MSRA: variants seen among roughly 807,000 people sequenced by gnomAD.
The protein encoded by MSRA is mitochondrial peptide methionine sulfoxide reductase.
MSRA carries 54 observed loss-of-function variants against 31.3 expected under a neutral mutation model. That is an observed-to-expected ratio of 1.73 (90% CI 1.39 to 2.17). The LOEUF (loss-of-function observed/expected upper bound fraction) is 2.17, where lower values mean the gene tolerates loss of function less well. MSRA is among the 30% of genes most tolerant of loss of function. MSRA has a pLI of 0.00. For missense variants in MSRA, 507 were observed against 300.9 expected (o/e 1.69, Z -5.07); for synonymous variants, 169 against 116.5 (o/e 1.45, Z -2.90).
intron 3 of MSRA, among the ~76,000 whole-genome samples, chr8:10,246,796 C>G (rs996508810): frequency 2.0e-5 from 3 of 152,046 alleles, no homozygotes; most frequent in African/African-American, 2.4e-5. Flanking sequence ...TGTGGTGTAA[C>G]AAACAAATAT....
At chr8:10,346,403 C>G (rs1268830333) in intron 5 of MSRA, among the ~76,000 whole-genome samples, 3 of 152,170 alleles carry the variant, frequency 2.0e-5, no homozygotes, top group Non-Finnish European at 4.4e-5. Context: ...AACACCCTCC[C>G]CCACTCTAGG....
At chr8:10,366,348 C>T (rs7813873) in intron 5 of MSRA, among the ~76,000 whole-genome samples, 21,687 of 152,288 alleles carry the variant, frequency 0.14, 1,733 homozygotes, top group African/African-American at 0.22. Flanking sequence ...CAGGCAAGCC[C>T]GTGTGAGCTC....
intron 4 of MSRA, 36 bp downstream of exon 4, chr8:10,301,674 A>G: frequency 6.6e-7 from 1 of 1,512,684 alleles, no homozygotes; most frequent in Non-Finnish European, 9.2e-7. Context: ...TAATTATCTT[A>G]CTAATTACAG....
At chr8:10,343,928 A>G (rs1297806404) in intron 5 of MSRA, among the ~76,000 whole-genome samples, 3 of 152,196 alleles carry the variant, frequency 2.0e-5, no homozygotes, top group South Asian at 2.1e-4. Flanking sequence ...GAATGAATCA[A>G]TTGATTCATC....
At chr8:10,116,136 C>A (rs1346053374) in intron 1 of MSRA, among the ~76,000 whole-genome samples, 1 of 152,196 alleles carries the variant, frequency 6.6e-6, no homozygotes, top group Non-Finnish European at 1.5e-5. Flanking sequence ...TCCTTGCAAC[C>A]AATGACACTA....
chr8:10,304,192 C>T (rs1438679187), intron 4 of MSRA, among the ~76,000 whole-genome samples: 1 of 152,244 alleles, frequency 6.6e-6, no homozygotes, highest in Non-Finnish European at 1.5e-5. Context: ...CCTCCTTGGC[C>T]TCCCAAAGTG....
At chr8:10,340,054 G>T (rs1400372681) in intron 5 of MSRA, among the ~76,000 whole-genome samples, 1 of 152,162 alleles carries the variant, frequency 6.6e-6, no homozygotes, top group African/African-American at 2.4e-5. Context: ...TTCCTGGCCC[G>T]TGTGGTATGA....
chr8:10,323,636 A>G (rs1802183148), intron 5 of MSRA, among the ~76,000 whole-genome samples: 1 of 152,082 alleles, frequency 6.6e-6, no homozygotes, highest in South Asian at 2.1e-4. Context: ...AGCTGCTATA[A>G]TTATCCTTTC....
chr8:10,339,035 C>A (rs1366678667), intron 5 of MSRA, among the ~76,000 whole-genome samples: 1 of 152,162 alleles, frequency 6.6e-6, no homozygotes, highest in African/African-American at 2.4e-5. Context: ...GCATTTTATT[C>A]TTTTCCATTT....
At chr8:10,327,028 G>T (rs886397204) in intron 5 of MSRA, among the ~76,000 whole-genome samples, 1 of 152,130 alleles carries the variant, frequency 6.6e-6, no homozygotes, top group Non-Finnish European at 1.5e-5. Context: ...GGCTCCTTCT[G>T]CCAGCTCTTC....
At chr8:10,304,241 G>A (rs1192475316) in intron 4 of MSRA, among the ~76,000 whole-genome samples, 1 of 152,186 alleles carries the variant, frequency 6.6e-6, no homozygotes, top group African/African-American at 2.4e-5. Context: ...CTAGCCACCA[G>A]GTGTACTAAA....
intron 5 of MSRA, among the ~76,000 whole-genome samples, chr8:10,419,657 A>G (rs1808693404): frequency 6.6e-6 from 1 of 152,070 alleles, no homozygotes; most frequent in East Asian, 1.9e-4. Flanking sequence ...CTTTCCTGGC[A>G]CTCTGAGTAT....
intron 1 of MSRA, among the ~76,000 whole-genome samples, chr8:10,173,407 T>A (rs1805767245): frequency 6.6e-6 from 1 of 152,224 alleles, no homozygotes; most frequent in African/African-American, 2.4e-5. Context: ...GCGTCATGAT[T>A]TAACTTTGTC....
chr8:10,054,483 T>TC lies in MSRA; in HGVS notation c.-29dup. 1 of 1,537,178 alleles carries TC rather than the reference T, an allele frequency of 6.5e-7. No homozygotes were observed. Among genetic ancestry groups the TC allele is most frequent in the Non-Finnish European group, 8.8e-7 (1 of 1,141,340 alleles). ...TGCGGCTCCGCTGCCGGTAGCGCCG[T>TC]CCCCCGGGACCACCCTTCGGCTGGC... On this transcript the variant is annotated 5_prime_UTR_variant, in exon 1 of 6. Transcript: ENST00000317173.
At chr8:10,093,439 A>T (rs1798956940) in intron 1 of MSRA, among the ~76,000 whole-genome samples, 1 of 152,138 alleles carries the variant, frequency 6.6e-6, no homozygotes, top group Admixed American at 6.5e-5. Context: ...AATATACAAA[A>T]ACTTTGCTCC....
At chr8:10,373,283 A>C (rs1242381413) in intron 5 of MSRA, among the ~76,000 whole-genome samples, 3 of 152,262 alleles carry the variant, frequency 2.0e-5, no homozygotes, top group Non-Finnish European at 2.9e-5. Flanking sequence ...CCAAATAGTC[A>C]ACCAAGGACT....
intron 2 of MSRA, among the ~76,000 whole-genome samples, chr8:10,232,494 C>G (rs190023072): frequency 1.3e-3 from 202 of 152,256 alleles, no homozygotes; most frequent in African/African-American, 4.7e-3. Flanking sequence ...TTCATGAGTG[C>G]GGAAGATGTA....
At chr8:10,216,040 T>C (rs114609594) in intron 2 of MSRA, among the ~76,000 whole-genome samples, 1,529 of 152,308 alleles carry the variant, frequency 0.01, 30 homozygotes, top group African/African-American at 0.035. Flanking sequence ...AAAAAGTTAC[T>C]CATTATTAAA....
chr8:10,158,479 G>A lies in MSRA; in HGVS notation c.143-49354G>A, dbSNP rs201740508. 5.9e-5 allele frequency among the ~76,000 whole-genome samples: 9 copies of A among 152,254 alleles called. No homozygotes were observed. In the East Asian group the frequency reaches 1.7e-3, roughly 29 times the overall value. ...ACATAGGTGGAATCAGATAATATGT[G>A]GCCTATTGGCTTCTTTCACTAGCAT... is the stretch of plus-strand genomic sequence containing the variant. On this transcript the variant is annotated intron_variant, in intron 1 of 5. Transcript: ENST00000317173.
Sources: gnomAD v4.1 joint callset for allele counts (sites outside exome capture counted in the v4.1 genomes callset) on GRCh38, gnomAD v4.1.1 for gene constraint, MANE v1.5 for transcripts, NCBI Gene and HGNC (gene_info 2026-07-23, HGNC 2026-07-21) for gene names.